The following NEGR1 variants were observed in gnomAD, a reference collection of about 807,000 sequenced individuals.
NEGR1 encodes IgLON family member 4.
NEGR1 carries 10 observed loss-of-function variants against 40.9 expected under a neutral mutation model. The observed-to-expected ratio is 0.24, with a 90% CI of 0.15 to 0.42. The LOEUF (loss-of-function observed/expected upper bound fraction) is 0.42. Among genes scored for constraint, NEGR1 ranks in the 10% least tolerant of loss-of-function variants. The probability of loss-of-function intolerance (pLI) is 1.00; values close to 1 mark genes in which losing one functional copy is unlikely to be tolerated. For missense variants in NEGR1, 352 were observed against 438.9 expected, an observed-to-expected ratio of 0.80 and a Z score of 1.77; for synonymous variants, 185 against 166.8, an observed-to-expected ratio of 1.11 and a Z score of -0.84.
chr1:71,808,856 C>A (rs1657877805), intron 2 of NEGR1, among the ~76,000 whole-genome samples: 1 of 152,074 alleles, frequency 6.6e-6, no homozygotes, highest in Admixed American at 6.6e-5. Context: ...TCAATGCATA[C>A]CAACATAGCT....
At chr1:71,809,504 G>A (rs1271824718) in intron 2 of NEGR1, among the ~76,000 whole-genome samples, 2 of 152,110 alleles carry the variant, frequency 1.3e-5, no homozygotes, top group African/African-American at 4.8e-5. Flanking sequence ...AGTAAACCAA[G>A]TATGCCCTTC....
Position 72,173,599 on chromosome 1 carries a change from C to T in NEGR1, c.176+108720G>A, listed in dbSNP as rs536480762. 1.1e-3 allele frequency among the ~76,000 whole-genome samples: 161 copies of T among 152,012 alleles called. 1 individual carries two copies. The highest frequency in any genetic ancestry group is 3.6e-3 in the African/African-American group (149 of 41,490). ...CAGATCTTGATTACACATCTCCTTA[C>T]ATCTTTTCATTGTTATTCCTGCTCT... On this transcript the variant is annotated intron_variant, in intron 1 of 6. Coordinates refer to ENST00000357731, the MANE Select transcript of NEGR1 (RefSeq NM_173808.3).
chr1:72,225,306 T>C (rs1280404936), intron 1 of NEGR1, among the ~76,000 whole-genome samples: 1 of 152,020 alleles, frequency 6.6e-6, no homozygotes, highest in East Asian at 1.9e-4. Flanking sequence ...CCTTCATTTC[T>C]CATCAGATTT....
intron 1 of NEGR1, among the ~76,000 whole-genome samples, chr1:72,099,180 G>A (rs1307465760): frequency 6.6e-6 from 1 of 151,516 alleles, no homozygotes. Flanking sequence ...CCAATATAGG[G>A]CTATTTTGAA....
At chr1:71,842,379 A>T (rs984460246) in intron 2 of NEGR1, among the ~76,000 whole-genome samples, 3 of 152,154 alleles carry the variant, frequency 2.0e-5, no homozygotes, top group Non-Finnish European at 4.4e-5. Flanking sequence ...CATGGACAGC[A>T]TCTATCTTTC....
At position 71,400,497 on chromosome 1, in the gene NEGR1, A is replaced by G. The variant is rs1172655725; in HGVS notation, c.*6949T>C. ...TTTTAACAAGTGCCCAAAATATATT[A>G]TTTTTTCAACAAGGTGGATTCTCGA... On this transcript the variant is annotated 3_prime_UTR_variant, in exon 7 of 7. Transcript: ENST00000357731. The G allele has an allele frequency of 6.6e-6, 1 of 151,548 alleles. No homozygotes were observed. Among genetic ancestry groups the G allele is most frequent in the Non-Finnish European group, 1.5e-5 (1 of 67,884 alleles). 9.4% of individuals were successfully genotyped at this position (151,548 alleles called of 1,614,324 possible). A position where few individuals can be genotyped will look rare whatever the true frequency, so the allele number is the denominator to read the frequency against.
chr1:71,690,933 T>C (rs532170529), intron 4 of NEGR1, among the ~76,000 whole-genome samples: 6 of 152,104 alleles, frequency 3.9e-5, no homozygotes, highest in Admixed American at 3.9e-4. Context: ...AAGAAATTGT[T>C]TTATTTTTCA....
chr1:71,532,051 C>A (rs1419758369), intron 6 of NEGR1, among the ~76,000 whole-genome samples: 1 of 151,388 alleles, frequency 6.6e-6, no homozygotes, highest in Non-Finnish European at 1.5e-5. Context: ...GTAGGCAGCA[C>A]CAACAAATCC....
intron 1 of NEGR1, among the ~76,000 whole-genome samples, chr1:72,037,946 G>A (rs1247538494): frequency 6.6e-6 from 1 of 151,906 alleles, no homozygotes; most frequent in Non-Finnish European, 1.5e-5. Context: ...ACCTGCTGGT[G>A]GTATTCTTTA....
chr1:71,631,138 G>C (rs1650956183), intron 4 of NEGR1, among the ~76,000 whole-genome samples: 1 of 151,864 alleles, frequency 6.6e-6, no homozygotes, highest in Non-Finnish European at 1.5e-5. Flanking sequence ...AAGTCAAAAT[G>C]CAGTGTCCAC....
intron 1 of NEGR1, among the ~76,000 whole-genome samples, chr1:72,136,681 A>C (rs938457651): frequency 6.6e-6 from 1 of 151,674 alleles, no homozygotes; most frequent in Non-Finnish European, 1.5e-5. Context: ...TCCAAGCACA[A>C]GATGGGCAAA....
intron 1 of NEGR1, among the ~76,000 whole-genome samples, chr1:72,260,206 G>T (rs1655409933): frequency 6.6e-6 from 1 of 151,916 alleles, no homozygotes; most frequent in Non-Finnish European, 1.5e-5. Flanking sequence ...CTCTGACTTT[G>T]AAATCTGTGA....
intron 1 of NEGR1, among the ~76,000 whole-genome samples, chr1:72,206,982 G>C (rs1653426571): frequency 6.6e-6 from 1 of 150,744 alleles, no homozygotes; most frequent in Non-Finnish European, 1.5e-5. Flanking sequence ...GGTACTTTTT[G>C]AAAGTATAAA....
chr1:71,902,463 T>A (rs1252967392), intron 2 of NEGR1, among the ~76,000 whole-genome samples: 3 of 152,230 alleles, frequency 2.0e-5, no homozygotes, highest in African/African-American at 7.2e-5. Flanking sequence ...ACACAAGTAT[T>A]TTTATGAGGA....
chr1:71,490,638 C>G (rs966429985), intron 6 of NEGR1, among the ~76,000 whole-genome samples: 8 of 151,978 alleles, frequency 5.3e-5, no homozygotes, highest in African/African-American at 1.9e-4. Context: ...ATGATTGAGT[C>G]ACACCTTGGC....
At chr1:71,903,239 T>C (rs1661187095) in intron 2 of NEGR1, among the ~76,000 whole-genome samples, 1 of 152,036 alleles carries the variant, frequency 6.6e-6, no homozygotes, top group Non-Finnish European at 1.5e-5. Flanking sequence ...ATTGTGATGG[T>C]ATGTAAACAT....
intron 5 of NEGR1, among the ~76,000 whole-genome samples, chr1:71,610,074 G>A (rs1398099937): frequency 2.0e-5 from 3 of 152,218 alleles, no homozygotes; most frequent in Non-Finnish European, 4.4e-5. Context: ...ATGTGGAACT[G>A]TGAGTCAATT....
At position 71,888,035 on chromosome 1, in the gene NEGR1, A is replaced by ACACC. The variant is rs1660776936; in HGVS notation, c.409+47043_409+47044insGGTG. On this transcript the variant is annotated intron_variant, in intron 2 of 6. Coordinates refer to ENST00000357731, the MANE Select transcript of NEGR1 (RefSeq NM_173808.3). ...CACACACACACACACACACACACACACCTCTAGAATAAAAAGCTCATGTCT... is the reference window on the plus strand; with the variant it reads ...CACACACACACACACACACACACACACACCCCTCTAGAATAAAAAGCTCATGTCT... 2.1e-5 allele frequency among the ~76,000 whole-genome samples: 3 copies of ACACC among 141,796 alleles called. No homozygotes were observed. The South Asian group carries it at 6.9e-4, about 33-fold the overall frequency. The allele number at this position is 141,796 out of a possible 152,430, so 93.0% of individuals were successfully genotyped here. A position where few individuals can be genotyped will look rare whatever the true frequency, so the allele number is the denominator to read the frequency against.
chr1:72,185,131 C>T (rs1652564869), intron 1 of NEGR1, among the ~76,000 whole-genome samples: 2 of 151,876 alleles, frequency 1.3e-5, no homozygotes, highest in Admixed American at 6.6e-5. Flanking sequence ...ACATGCTTTT[C>T]TTCTTTCTTC....
Sources: allele counts gnomAD v4.1 joint callset (sites outside exome capture counted in the v4.1 genomes callset), GRCh38; gene constraint gnomAD v4.1.1; transcripts MANE v1.5; gene names NCBI Gene and HGNC (gene_info 2026-07-23, HGNC 2026-07-21).